The following BMP6 variants were observed in gnomAD, a reference collection of about 807,000 sequenced individuals.
BMP6 encodes bone morphogenetic protein 6.
Under a neutral mutation model 54.1 loss-of-function variants are expected in BMP6, and 17 were observed. That is an observed-to-expected ratio of 0.31 (90% CI 0.22 to 0.47). The LOEUF is 0.47. Ranked by LOEUF, BMP6 falls within the 20% of genes least tolerant of loss-of-function variation. The pLI is 1.00. For synonymous variants in BMP6, 328 were observed against 291.2 expected, an observed-to-expected ratio of 1.13 and a Z score of -1.28; for missense variants, 720 against 690.4, an observed-to-expected ratio of 1.04 and a Z score of -0.48.
At chr6:7,830,029 C>A (rs1218752053) in intron 1 of BMP6, among the ~76,000 whole-genome samples, 1 of 152,220 alleles carries the variant, frequency 6.6e-6, no homozygotes, top group Non-Finnish European at 1.5e-5. Context: ...ACATCTTCAG[C>A]CTGACGGTCC....
chr6:7,822,897 T>G (rs1376886064), intron 1 of BMP6, among the ~76,000 whole-genome samples: 2 of 121,296 alleles, frequency 1.6e-5, no homozygotes, highest in South Asian at 2.7e-4. Context: ...TTGGTGCTGG[T>G]TGTGTGTGTG....
intron 1 of BMP6, among the ~76,000 whole-genome samples, chr6:7,809,421 C>A (rs1758403508): frequency 6.6e-6 from 1 of 152,162 alleles, no homozygotes; most frequent in Non-Finnish European, 1.5e-5. Context: ...GGAAGATTAG[C>A]TGTTCTAAAC....
In BMP6 at chr6:7,788,138, T is replaced by C. The variant is rs191941640; in HGVS notation, c.665-57002T>C. Among the ~76,000 whole-genome samples the C allele has an allele frequency of 4.6e-3, 706 of 152,322 alleles. 5 individuals are homozygous for C. The highest frequency in any genetic ancestry group is 0.015 in the African/African-American group (605 of 41,572). ...GGGTATTCTTTGCACAACTCTGGAATATATTTCTTGAATCACTGGAAGAAG... is the reference window on the plus strand; with the variant it reads ...GGGTATTCTTTGCACAACTCTGGAACATATTTCTTGAATCACTGGAAGAAG... On this transcript the variant is annotated intron_variant, in intron 1 of 6. Transcript: ENST00000283147.
At chr6:7,791,038 C>A (rs1335042720) in intron 1 of BMP6, among the ~76,000 whole-genome samples, 1 of 152,140 alleles carries the variant, frequency 6.6e-6, no homozygotes, top group African/African-American at 2.4e-5. Flanking sequence ...TCTCTCCCCT[C>A]TCCTCCGACA....
chr6:7,762,599 A>G (rs914000711), intron 1 of BMP6, among the ~76,000 whole-genome samples: 2 of 152,246 alleles, frequency 1.3e-5, no homozygotes, highest in African/African-American at 4.8e-5. Flanking sequence ...CATAAATTCT[A>G]TAGAAATATA....
intron 4 of BMP6, among the ~76,000 whole-genome samples, chr6:7,862,936 ACT>A (rs537176467): frequency 2.6e-5 from 4 of 152,130 alleles, no homozygotes; most frequent in African/African-American, 9.6e-5. Context: ...AGGAAGGTCA[ACT>A]CAGCCCTCTA....
intron 4 of BMP6, among the ~76,000 whole-genome samples, chr6:7,878,325 G>T (rs1041521587): frequency 2.6e-5 from 4 of 152,320 alleles, no homozygotes; most frequent in Non-Finnish European, 4.4e-5. Context: ...GGCATGTCAC[G>T]TAAGAGTCGC....
chr6:7,803,776 C>T (rs1340780542), intron 1 of BMP6, among the ~76,000 whole-genome samples: 6 of 152,104 alleles, frequency 3.9e-5, no homozygotes, highest in Admixed American at 1.3e-4. Flanking sequence ...GAAATCAGGT[C>T]GGGCCTAACA....
intron 1 of BMP6, among the ~76,000 whole-genome samples, chr6:7,810,160 C>T (rs948724037): frequency 6.6e-6 from 1 of 152,052 alleles, no homozygotes; most frequent in Non-Finnish European, 1.5e-5. Context: ...TTCTTTGATT[C>T]GCTGGAGAAT....
In BMP6 at chr6:7,862,346, G is replaced by C. The variant is rs573617365; in HGVS notation, c.1052G>C (p.Gly351Ala). 54 of 1,614,218 alleles carry C rather than the reference G, an allele frequency of 3.3e-5. No individual in the cohort carries two copies. The East Asian group carries it at 1.0e-3, about 30-fold the overall frequency. The change falls in exon 4 of 7, where the codon GGC (glycine) becomes GCC (alanine). Residue 351 changes from glycine (G) to alanine (A), a missense_variant. Gly to Ala is a moderately conservative substitution (Grantham distance 60). Transcript: ENST00000283147. Reference sequence around the variant, plus strand: ...GCCGCAGGCCTGGTGGGCAGAGACGGCCCTTACGACAAGCAGCCCTTCATG... The same window carrying C: ...GCCGCAGGCCTGGTGGGCAGAGACGCCCCTTACGACAAGCAGCCCTTCATG... ...PRAAGLVGRD[G>A]PYDKQPFMVA...
chr6:7,879,632 G>A (rs1049428730), intron 5 of BMP6, among the ~76,000 whole-genome samples: 1 of 152,182 alleles, frequency 6.6e-6, no homozygotes, highest in Non-Finnish European at 1.5e-5. Flanking sequence ...AATCACAGGT[G>A]GTGAGCGATA....
intron 1 of BMP6, among the ~76,000 whole-genome samples, chr6:7,765,925 A>G (rs1042014131): frequency 6.6e-6 from 1 of 151,988 alleles, no homozygotes; most frequent in African/African-American, 2.4e-5. Context: ...CCATCACCAC[A>G]TTTCCTTCTC....
At chr6:7,830,212 T>C (rs1443942664) in intron 1 of BMP6, among the ~76,000 whole-genome samples, 2 of 152,228 alleles carry the variant, frequency 1.3e-5, no homozygotes, top group Non-Finnish European at 2.9e-5. Flanking sequence ...CTTCCTACAG[T>C]GCTGACCTCT....
At chr6:7,824,347 C>T (rs371203434) in intron 1 of BMP6, among the ~76,000 whole-genome samples, 2 of 152,164 alleles carry the variant, frequency 1.3e-5, no homozygotes, top group African/African-American at 2.4e-5. Flanking sequence ...GGTCTCCGTC[C>T]GGCTTGGCAC....
chr6:7,786,422 GTTTA>G (rs919561195), intron 1 of BMP6, among the ~76,000 whole-genome samples: 4 of 146,688 alleles, frequency 2.7e-5, no homozygotes, highest in Admixed American at 6.8e-5. Context: ...ATGTTTTACA[GTTTA>G]TTTCCAAACA....
At chr6:7,874,580 A>C (rs1466506399) in intron 4 of BMP6, among the ~76,000 whole-genome samples, 1 of 152,058 alleles carries the variant, frequency 6.6e-6, no homozygotes, top group Non-Finnish European at 1.5e-5. Context: ...ACACAGAGAA[A>C]CACCATCTAT....
chr6:7,814,723 T>A (rs932931653), intron 1 of BMP6, among the ~76,000 whole-genome samples: 3 of 152,160 alleles, frequency 2.0e-5, no homozygotes, highest in African/African-American at 2.4e-5. Flanking sequence ...GATCTTAGTG[T>A]CTTGGTCTCC....
In BMP6 at chr6:7,845,107, A is replaced by G. The variant is rs1269883862; in HGVS notation, c.665-33A>G. ...GCCCGTGGCACTTAGTCAAGTAACAATAGTTGTCACTCTCTCTTGTTTAAT... is the reference window on the plus strand; with the variant it reads ...GCCCGTGGCACTTAGTCAAGTAACAGTAGTTGTCACTCTCTCTTGTTTAAT... On this transcript the variant is annotated intron_variant, in intron 1 of 6. Transcript: ENST00000283147. The G allele has an allele frequency of 4.4e-6, 7 of 1,581,214 alleles. No homozygotes were observed. The East Asian group carries it at 6.7e-5, about 15-fold the overall frequency.
chr6:7,785,871 C>A (rs922439223), intron 1 of BMP6, among the ~76,000 whole-genome samples: 2 of 152,074 alleles, frequency 1.3e-5, no homozygotes, highest in African/African-American at 4.8e-5. Flanking sequence ...AGCCACGCTA[C>A]AAGTTTCTGG....
Sources: allele counts gnomAD v4.1 joint callset (sites outside exome capture counted in the v4.1 genomes callset), GRCh38; gene constraint gnomAD v4.1.1; transcripts MANE v1.5; gene names NCBI Gene and HGNC (gene_info 2026-07-23, HGNC 2026-07-21).